EIF4A1: variants seen among roughly 807,000 people sequenced by gnomAD.
EIF4A1 encodes eukaryotic initiation factor 4A-I.
A neutral mutation model predicts 53.5 loss-of-function variants in EIF4A1; 11 were observed. The observed-to-expected ratio is 0.21, with a 90% CI of 0.13 to 0.34. The LOEUF (loss-of-function observed/expected upper bound fraction) is 0.34, where lower values mean the gene tolerates loss of function less well. EIF4A1 is among the 10% of genes least tolerant of loss of function. EIF4A1 has a pLI of 1.00. For missense variants in EIF4A1, 213 were observed against 530.8 expected, an observed-to-expected ratio of 0.40 and a Z score of 5.88; for synonymous variants, 237 against 186.7, an observed-to-expected ratio of 1.27 and a Z score of -2.20.
Position 7,577,944 on chromosome 17 carries a change from C to T in EIF4A1, c.996+28C>T. ...GAGTAGAGGGAACTGATAGCAAAGGCAGAAGGGAGGATCCAAGGTGATTCC... is the reference window on the plus strand; with the variant it reads ...GAGTAGAGGGAACTGATAGCAAAGGTAGAAGGGAGGATCCAAGGTGATTCC... On this transcript the variant is annotated intron_variant, in intron 9 of 10. Coordinates refer to ENST00000293831, the MANE Select transcript of EIF4A1 (RefSeq NM_001416.4). This position sits in a 1 kb window ranked among gnomAD's most constrained non-coding sequence, Gnocchi z 4.7. 1 of 1,613,412 alleles carries T rather than the reference C, an allele frequency of 6.2e-7. No homozygotes were observed. Among genetic ancestry groups the T allele is most frequent in the Middle Eastern group, 1.7e-4 (1 of 6,056 alleles).
At chr17:7,574,208 TTC>T (rs1019180709) in intron 1 of EIF4A1, 50 bp from the exon 2 acceptor site, 1 of 1,611,124 alleles carries the variant, frequency 6.2e-7, no homozygotes, top group African/African-American at 1.3e-5. Flanking sequence ...CTGTCAGGAT[TTC>T]TGAGTGCTTC....
chr17:7,576,969 C>G, intron 5 of EIF4A1, 87 bp from the exon 6 acceptor site: 3 of 1,517,338 alleles, frequency 2.0e-6, no homozygotes, highest in Non-Finnish European at 2.7e-6. Flanking sequence ...CTTGGCTCCT[C>G]TCTGTTTTTT....
Position 7,574,000 on chromosome 17 carries a change from G to A in EIF4A1, c.24-260G>A, listed in dbSNP as rs2071364847. ...CACCTCTGGGCACCGTGAGCGCGGC[G>A]GCACGCCTGCCGGCCTGTCTTCAGA... On this transcript the variant is annotated intron_variant, in intron 1 of 10. Coordinates refer to ENST00000293831, the MANE Select transcript of EIF4A1 (RefSeq NM_001416.4). 3.8e-5 allele frequency: 19 copies of A among 503,956 alleles called. No individual in the cohort carries two copies. In the South Asian group the frequency reaches 4.9e-4, roughly 13 times the overall value. The allele number at this position is 503,956 out of a possible 1,614,324, so 31.2% of individuals were successfully genotyped here. A position where few individuals can be genotyped will look rare whatever the true frequency, so the allele number is the denominator to read the frequency against.
In EIF4A1 at chr17:7,578,700, C is replaced by CAAA. The variant is rs575255819; in HGVS notation, c.*228_*230dup. The CAAA allele has an allele frequency of 4.1e-4, 102 of 249,972 alleles. No individual in the cohort carries two copies. The highest frequency in any genetic ancestry group is 6.8e-4 in the South Asian group (6 of 8,856). 15.5% of individuals were successfully genotyped at this position (249,972 alleles called of 1,614,324 possible). A position where few individuals can be genotyped will look rare whatever the true frequency, so the allele number is the denominator to read the frequency against. ...TTGCCCCAGGCGCCGGCTCTTCTCC[C>CAAA]AAAAAAAAAAAAAAAACACTAATCC... On this transcript the variant is annotated 3_prime_UTR_variant, in exon 11 of 11. Transcript: ENST00000293831.
In EIF4A1 at chr17:7,577,988, G is replaced by T; in HGVS notation, c.996+72G>T. On this transcript the variant is annotated intron_variant, in intron 9 of 10. Coordinates refer to ENST00000293831, the MANE Select transcript of EIF4A1 (RefSeq NM_001416.4). The surrounding 1 kb of genome is among the most constrained non-coding windows in gnomAD (Gnocchi z 4.7). ...TGATTCCCTCTCCAAGGGGACATCA[G>T]TGCCTCTCAGGAAAGTAGCAGCTTG... 8 of 1,597,648 alleles carry T rather than the reference G, an allele frequency of 5.0e-6. No individual in the cohort carries two copies. In the Admixed American group the frequency reaches 1.0e-4, roughly 20 times the overall value.
At chr17:7,572,968 C>G in intron 1 of EIF4A1, 104 bp downstream of exon 1, 1 of 1,604,048 alleles carries the variant, frequency 6.2e-7, no homozygotes. Context: ...GCGGGAGAAA[C>G]CGAACCGGGT....
In EIF4A1 at chr17:7,575,192, G is replaced by T; in HGVS notation, c.279G>T (p.Gln93His). Residue 93 changes from glutamine (Q) to histidine (H), a missense_variant, in exon 4 of 11, where the codon CAG (glutamine) becomes CAT (histidine). Gln to His is a conservative substitution (Grantham distance 24, BLOSUM62 0). Transcript: ENST00000293831. ...TATFAISILQ[Q>H]IELDLKATQA... Reference sequence around the variant, plus strand: ...CATTTGCCATATCGATTCTGCAGCAGATTGAATTAGATCTAAAAGCCACCC... The same window carrying T: ...CATTTGCCATATCGATTCTGCAGCATATTGAATTAGATCTAAAAGCCACCC... 6.2e-7 allele frequency: 1 copy of T among 1,613,352 alleles called. No individual in the cohort carries two copies. Among genetic ancestry groups the T allele is most frequent in the Non-Finnish European group, 8.5e-7 (1 of 1,180,032 alleles).
chr17:7,573,263 T>G (rs1597845990), intron 1 of EIF4A1: 1 of 358,714 alleles, frequency 2.8e-6, no homozygotes, highest in Non-Finnish European at 5.2e-6. Flanking sequence ...GCGCGCGGGG[T>G]TCCGGAGCAT....
rs763388396 is a variant in EIF4A1 at position 7,574,230 on chromosome 17, G to C, written c.24-30G>C. On this transcript the variant is annotated intron_variant, in intron 1 of 10. Transcript: ENST00000293831. ...GATTTCTGAGTGCTTCGGTCGGGCA[G>C]GGGACAAAACTTATGCTTTAAACCA... The C allele has an allele frequency of 6.8e-6, 11 of 1,613,630 alleles. No homozygotes were observed. In the South Asian group the frequency reaches 7.7e-5, roughly 11 times the overall value.
intron 3 of EIF4A1, 92 bp from the exon 4 acceptor site, chr17:7,575,027 C>T: frequency 2.6e-6 from 4 of 1,523,400 alleles, no homozygotes; most frequent in African/African-American, 1.4e-5. Flanking sequence ...ATGCTTGGTT[C>T]ATTGGTTGCT....
At chr17:7,574,146 T>G (rs976931960) in intron 1 of EIF4A1, 114 bp from the exon 2 acceptor site, 17 of 1,228,780 alleles carry the variant, frequency 1.4e-5, no homozygotes, top group Admixed American at 3.9e-5. Context: ...GGGAGTTGGA[T>G]CTGGGACAGC....
chr17:7,577,192 A>T lies in EIF4A1; in HGVS notation c.624+27A>T. On this transcript the variant is annotated intron_variant, in intron 6 of 10. Coordinates refer to ENST00000293831, the MANE Select transcript of EIF4A1 (RefSeq NM_001416.4). This position sits in a 1 kb window ranked among gnomAD's most constrained non-coding sequence, Gnocchi z 4.7. ...TGAGGGCAGTCTTGCTTGAATAGCT[A>T]ATGATTCTTGAAAAATAGTAAGTGC... The T allele has an allele frequency of 6.4e-7, 1 of 1,572,408 alleles. No homozygotes were observed. Among genetic ancestry groups the T allele is most frequent in the Non-Finnish European group, 8.6e-7 (1 of 1,163,112 alleles).
intron 3 of EIF4A1, 75 bp from the exon 4 acceptor site, chr17:7,575,044 C>T (rs961004985): frequency 3.4e-5 from 53 of 1,577,506 alleles, no homozygotes; most frequent in African/African-American, 1.1e-4. Flanking sequence ...TGCTTATTGA[C>T]CTCATTAACC....
At chr17:7,576,224 T>C (rs1458180527) in intron 4 of EIF4A1, 3 of 261,742 alleles carry the variant, frequency 1.1e-5, no homozygotes, top group East Asian at 1.4e-4. Flanking sequence ...AAATTAGTTT[T>C]CAGAAGGTTA....
intron 3 of EIF4A1, 115 bp from the exon 4 acceptor site, chr17:7,575,004 T>A: frequency 1.4e-6 from 2 of 1,408,598 alleles, no homozygotes; most frequent in South Asian, 2.5e-5. Context: ...GAAGGTAGTT[T>A]GTGAGCCATG....
chr17:7,575,093 A>C, intron 3 of EIF4A1, 26 bp from the exon 4 acceptor site: 1 of 1,611,130 alleles, frequency 6.2e-7, no homozygotes, highest in Non-Finnish European at 8.5e-7. Flanking sequence ...TCTTTACCAC[A>C]TTCAACTCCT....
Position 7,578,239 on chromosome 17 carries a change from C to T in EIF4A1, c.1071C>T (p.Ile357=). 6.2e-7 allele frequency: 1 copy of T among 1,614,222 alleles called. No homozygotes were observed. Among genetic ancestry groups the T allele is most frequent in the Non-Finnish European group, 8.5e-7 (1 of 1,180,038 alleles). The change falls in exon 10 of 11, where the codon ATC becomes ATT. Residue 357 remains isoleucine (I), a synonymous_variant. Transcript: ENST00000293831. The stretch of plus-strand genomic sequence containing the variant: ...TTCCCACCAACAGGGAAAACTATAT[C>T]CACAGGTAAGCGTAGATCTGGAACA... The part of the protein sequence containing the change: ...YDLPTNRENY[I]HRIGRGGRFG...
rs1454751911 is a variant in EIF4A1 at position 7,574,450 on chromosome 17, C to G, written c.73-96C>G. The G allele has an allele frequency of 5.0e-6, 8 of 1,600,820 alleles. No homozygotes were observed. In the East Asian group the frequency reaches 1.8e-4, roughly 36 times the overall value. Reference sequence around the variant, plus strand: ...GGGAGGAGGGTTGTAAGCTCTGAGGCTTTTGTTAGTAGGCACCAGATTCTG... The same window carrying G: ...GGGAGGAGGGTTGTAAGCTCTGAGGGTTTTGTTAGTAGGCACCAGATTCTG... On this transcript the variant is annotated intron_variant, in intron 2 of 10. Transcript: ENST00000293831.
chr17:7,573,141 G>C (rs1039010635), intron 1 of EIF4A1: 5 of 586,634 alleles, frequency 8.5e-6, no homozygotes, highest in Non-Finnish European at 1.2e-5. Context: ...CCGGCGCTGA[G>C]TGGCGAGACG....
Sources: allele counts gnomAD v4.1 joint callset, GRCh38; gene constraint gnomAD v4.1.1; non-coding constraint Gnocchi (gnomAD v3.1); transcripts MANE v1.5; gene names NCBI Gene and HGNC (gene_info 2026-07-23, HGNC 2026-07-21).